The following SHQ1 variants were observed in gnomAD, a reference collection of about 807,000 sequenced individuals.
The protein encoded by SHQ1 is SHQ1, H/ACA ribonucleoprotein assembly factor.
SHQ1 carries 49 observed loss-of-function variants against 53.8 expected under a neutral mutation model. The ratio of observed to expected loss-of-function variants is 0.91; its 90% CI spans 0.72 to 1.16. SHQ1 has a LOEUF of 1.16. SHQ1 is among the 50% of genes most tolerant of loss of function. The pLI is 0.00. For synonymous variants in SHQ1, 243 were observed against 251.0 expected (o/e 0.97, Z 0.30); for missense variants, 738 against 683.1 (o/e 1.08, Z -0.90).
intron 5 of SHQ1, among the ~76,000 whole-genome samples, chr3:72,826,829 T>C (rs190960029): frequency 2.0e-5 from 3 of 152,246 alleles, no homozygotes; most frequent in African/African-American, 7.2e-5. Context: ...GAACATAATA[T>C]AGTGGCAACC....
intron 4 of SHQ1, among the ~76,000 whole-genome samples, chr3:72,836,816 T>C (rs1708013667): frequency 6.6e-6 from 1 of 152,180 alleles, no homozygotes; most frequent in Non-Finnish European, 1.5e-5. Context: ...AAACAATTGC[T>C]ATGGCCACTA....
chr3:72,756,973 G>A (rs936785671), intron 10 of SHQ1, among the ~76,000 whole-genome samples: 1 of 152,140 alleles, frequency 6.6e-6, no homozygotes, highest in African/African-American at 2.4e-5. Flanking sequence ...GAAAGCCTCC[G>A]CAGCCTTATG....
intron 3 of SHQ1, among the ~76,000 whole-genome samples, chr3:72,841,729 T>G (rs144108215): frequency 2.6e-5 from 4 of 152,312 alleles, no homozygotes; most frequent in Non-Finnish European, 4.4e-5. Context: ...GGTAAAGAGA[T>G]AGTTTTGGGG....
At chr3:72,770,203 C>T (rs1705816540) in intron 10 of SHQ1, among the ~76,000 whole-genome samples, 1 of 152,188 alleles carries the variant, frequency 6.6e-6, no homozygotes, top group African/African-American at 2.4e-5. Flanking sequence ...AAACAAATTG[C>T]ATGTGTTAGC....
chr3:72,758,717 TCAC>T (rs1705551865), intron 10 of SHQ1, among the ~76,000 whole-genome samples: 4 of 151,842 alleles, frequency 2.6e-5, no homozygotes, highest in Admixed American at 2.6e-4. Flanking sequence ...TTACAGGCAC[TCAC>T]CACCACGCCC....
At chr3:72,795,415 G>A (rs927277912) in intron 9 of SHQ1, 2 of 152,188 alleles carry the variant, frequency 1.3e-5, no homozygotes, top group Admixed American at 1.3e-4. Flanking sequence ...TGAGAGCAGG[G>A]TTTGATGAAA....
chr3:72,741,988 C>G, the SHQ1 span, among the ~76,000 whole-genome samples: 2 of 151,994 alleles, frequency 1.3e-5, no homozygotes, highest in Non-Finnish European at 2.9e-5. Flanking sequence ...ACTTGCACAT[C>G]GCTGGATTTT....
chr3:72,753,543 G>GGGTGAGCGGGAGGCACAGTGC (rs1309108949), intron 10 of SHQ1: 1 of 985,360 alleles, frequency 1.0e-6, no homozygotes, highest in East Asian at 1.1e-4. Context: ...CAGTGTCCAA[G>GGGTGAGCGGGAGGCACAGTGC]GGTGAGCGGG....
chr3:72,826,835 C>G (rs747346401), intron 5 of SHQ1, among the ~76,000 whole-genome samples: 11 of 152,212 alleles, frequency 7.2e-5, no homozygotes, highest in Non-Finnish European at 1.5e-4. Context: ...AATATAGTGG[C>G]AACCACCTTG....
chr3:72,750,567 G>GGAC lies in SHQ1; in HGVS notation c.1448_1450dup (p.Ser483_Pro484insArg). ...TTGCAAAGAACTGACTGTCTCAGAT[G>GGAC]GACTATCTTTGAGTTCATCTTGTTC... On this transcript the variant is annotated inframe_insertion, in exon 11 of 11. Transcript: ENST00000325599. 2 of 1,614,206 alleles carry GGAC rather than the reference G, an allele frequency of 1.2e-6. No individual in the cohort carries two copies. Among genetic ancestry groups the GGAC allele is most frequent in the Non-Finnish European group, 1.7e-6 (2 of 1,180,038 alleles).
At chr3:72,821,556 T>A (rs1005582842) in intron 6 of SHQ1, among the ~76,000 whole-genome samples, 1 of 152,146 alleles carries the variant, frequency 6.6e-6, no homozygotes, top group African/African-American at 2.4e-5. Context: ...CACCTAAGGC[T>A]TATCTGGAAT....
At chr3:72,837,805 G>A (rs975254602) in intron 4 of SHQ1, among the ~76,000 whole-genome samples, 8 of 152,214 alleles carry the variant, frequency 5.3e-5, no homozygotes, top group South Asian at 2.1e-4. Context: ...CACTTGTTAC[G>A]GCTGCCATAA....
intron 10 of SHQ1, 117 bp downstream of exon 10, chr3:72,792,799 A>AC (rs1456104209): frequency 2.7e-6 from 2 of 728,898 alleles, no homozygotes; most frequent in East Asian, 3.3e-5. Flanking sequence ...AAAAAAAAAA[A>AC]AAAAAAAAAA....
At chr3:72,735,203 G>A in the SHQ1 span, among the ~76,000 whole-genome samples, 1 of 151,654 alleles carries the variant, frequency 6.6e-6, no homozygotes, top group Non-Finnish European at 1.5e-5. Context: ...AGCTTTTGCT[G>A]CCTAACATAT....
At chr3:72,737,089 A>C in the SHQ1 span, among the ~76,000 whole-genome samples, 1 of 151,934 alleles carries the variant, frequency 6.6e-6, no homozygotes, top group Non-Finnish European at 1.5e-5. Context: ...GCCTAACATA[A>C]TGAAACCCCA....
At chr3:72,786,694 C>T (rs77644458) in intron 10 of SHQ1, among the ~76,000 whole-genome samples, 6,198 of 152,240 alleles carry the variant, frequency 0.041, 411 homozygotes, top group African/African-American at 0.14. Context: ...TACATTACAT[C>T]TGCATTTCCC....
chr3:72,848,378 C>T lies in SHQ1; in HGVS notation c.-38G>A, dbSNP rs1426336347. On this transcript the variant is annotated 5_prime_UTR_variant, in exon 1 of 11. Coordinates refer to ENST00000325599, the MANE Select transcript of SHQ1 (RefSeq NM_018130.3). ...CGCAAGGGCCGGCGCCGCTCGCTCT[C>T]ACTGCCGCCGCGTTCCCGCCACGCA... 1.2e-6 allele frequency: 2 copies of T among 1,608,910 alleles called. No homozygotes were observed. The highest frequency in any genetic ancestry group is 8.5e-7 in the Non-Finnish European group (1 of 1,177,206).
intron 4 of SHQ1, among the ~76,000 whole-genome samples, chr3:72,833,493 GATAGATAGACAGA>G (rs1707895008): frequency 0.012 from 431 of 35,710 alleles, 2 homozygotes; most frequent in African/African-American, 0.026. Context: ...TAGATAGATA[GATAGATAGACAGA>G]CAGACAGACA....
intron 10 of SHQ1, among the ~76,000 whole-genome samples, chr3:72,771,626 C>T (rs2106739518): frequency 6.6e-6 from 1 of 152,252 alleles, no homozygotes; most frequent in South Asian, 2.1e-4. Flanking sequence ...TTAAAAGGGT[C>T]TGGACCAAAA....
Sources: gnomAD v4.1 joint callset for allele counts (sites outside exome capture counted in the v4.1 genomes callset) on GRCh38, gnomAD v4.1.1 for gene constraint, MANE v1.5 for transcripts, NCBI Gene and HGNC (gene_info 2026-07-23, HGNC 2026-07-21) for gene names.